C8orf34: variants seen among roughly 807,000 people sequenced by gnomAD.
C8orf34 encodes chromosome 8 open reading frame 34.
C8orf34 carries 65 observed loss-of-function variants against 68.3 expected under a neutral mutation model. The ratio of observed to expected loss-of-function variants is 0.95; its 90% CI spans 0.78 to 1.17. C8orf34 has a LOEUF of 1.17. C8orf34 is among the 50% of genes most tolerant of loss of function. The pLI, the probability that C8orf34 is intolerant of heterozygous loss-of-function variation, is 0.00. For synonymous variants in C8orf34, 244 were observed against 241.2 expected (o/e 1.01, Z -0.11); for missense variants, 664 against 655.4 (o/e 1.01, Z -0.14).
chr8:68,794,026 A>G (rs1824089863), intron 12 of C8orf34, among the ~76,000 whole-genome samples: 1 of 152,232 alleles, frequency 6.6e-6, no homozygotes, highest in African/African-American at 2.4e-5. Context: ...TATTATTAAC[A>G]TAACAAATGT....
intron 8 of C8orf34, among the ~76,000 whole-genome samples, chr8:68,697,645 T>A (rs1820874604): frequency 6.6e-6 from 1 of 152,122 alleles, no homozygotes. Flanking sequence ...AAGGTTTTAG[T>A]AAGGGCAGAT....
chr8:68,393,851 A>G (rs1446762182), intron 1 of C8orf34, among the ~76,000 whole-genome samples: 1 of 152,060 alleles, frequency 6.6e-6, no homozygotes, highest in Non-Finnish European at 1.5e-5. Flanking sequence ...TGGATTGGAG[A>G]GAAACAAGGT....
intron 8 of C8orf34, among the ~76,000 whole-genome samples, chr8:68,680,522 T>C (rs1264764432): frequency 6.6e-6 from 1 of 151,714 alleles, no homozygotes; most frequent in Non-Finnish European, 1.5e-5. Flanking sequence ...TTATTAAGGG[T>C]TTCAAAAGGG....
At chr8:68,797,727 G>C (rs1370577653) in intron 12 of C8orf34, among the ~76,000 whole-genome samples, 3 of 152,054 alleles carry the variant, frequency 2.0e-5, no homozygotes, top group African/African-American at 7.2e-5. Flanking sequence ...GAAAGGGATG[G>C]GTCAGAAAGT....
chr8:68,713,623 A>G (rs1821387049), intron 9 of C8orf34, among the ~76,000 whole-genome samples: 1 of 152,186 alleles, frequency 6.6e-6, no homozygotes, highest in African/African-American at 2.4e-5. Flanking sequence ...AGAATCTCTG[A>G]ACAGACCCAC....
intron 10 of C8orf34, among the ~76,000 whole-genome samples, chr8:68,729,524 A>G (rs1039229693): frequency 2.0e-5 from 3 of 152,162 alleles, no homozygotes; most frequent in Non-Finnish European, 4.4e-5. Context: ...TCATTCCTCT[A>G]TCGCATTTCT....
chr8:68,438,601 C>T (rs1810763630), intron 1 of C8orf34: 1 of 152,102 alleles, frequency 6.6e-6, no homozygotes, highest in African/African-American at 2.4e-5. Flanking sequence ...GAATTCTAGG[C>T]TAAAACCAAC....
At chr8:68,379,808 T>A (rs1040691544) in intron 1 of C8orf34, among the ~76,000 whole-genome samples, 2 of 152,224 alleles carry the variant, frequency 1.3e-5, no homozygotes, top group Non-Finnish European at 2.9e-5. Context: ...CACCCTCTGG[T>A]CACATGTGTA....
chr8:68,369,959 G>T (rs921895736), intron 1 of C8orf34, among the ~76,000 whole-genome samples: 3 of 152,160 alleles, frequency 2.0e-5, no homozygotes, highest in African/African-American at 7.2e-5. Flanking sequence ...GAAGCTTTAT[G>T]GGTTGTCCAG....
At chr8:68,686,142 T>TACC (rs1820511303) in intron 8 of C8orf34, among the ~76,000 whole-genome samples, 2 of 151,760 alleles carry the variant, frequency 1.3e-5, no homozygotes, top group South Asian at 2.1e-4. Flanking sequence ...AAAAAAAGAT[T>TACC]ACCACCACCA....
At chr8:68,750,972 C>T (rs1822688074) in intron 10 of C8orf34, among the ~76,000 whole-genome samples, 1 of 152,118 alleles carries the variant, frequency 6.6e-6, no homozygotes, top group Non-Finnish European at 1.5e-5. Context: ...GAGATATTCT[C>T]TTTTACTCTA....
chr8:68,640,876 G>T (rs1818986092), intron 8 of C8orf34, among the ~76,000 whole-genome samples: 1 of 152,202 alleles, frequency 6.6e-6, no homozygotes, highest in African/African-American at 2.4e-5. Flanking sequence ...GCCAGGTACA[G>T]TTTAAGATCT....
intron 6 of C8orf34, among the ~76,000 whole-genome samples, chr8:68,527,158 C>G (rs1026412770): frequency 6.6e-6 from 1 of 152,148 alleles, no homozygotes; most frequent in Non-Finnish European, 1.5e-5. Context: ...CAAGAGGAGG[C>G]GTTCACATGT....
At chr8:68,440,435 A>G (rs184415846) in intron 2 of C8orf34, among the ~76,000 whole-genome samples, 35 of 152,268 alleles carry the variant, frequency 2.3e-4, no homozygotes, top group Admixed American at 9.8e-4. Context: ...TCTCATATGA[A>G]TGCCTTCTTG....
intron 1 of C8orf34, among the ~76,000 whole-genome samples, chr8:68,376,886 A>G (rs1428863300): frequency 6.6e-6 from 1 of 152,110 alleles, no homozygotes; most frequent in Non-Finnish European, 1.5e-5. Context: ...GAAAATATCA[A>G]CAGAAGGGCC....
chr8:68,790,847 T>C, intron 12 of C8orf34: 1 of 701,582 alleles, frequency 1.4e-6, no homozygotes, highest in Non-Finnish European at 2.6e-6. Flanking sequence ...TGGCTGGGAC[T>C]CTGAATTCTG....
At chr8:68,689,980 G>T (rs1820638720) in intron 8 of C8orf34, among the ~76,000 whole-genome samples, 1 of 151,972 alleles carries the variant, frequency 6.6e-6, no homozygotes, top group Admixed American at 6.6e-5. Flanking sequence ...CTGCCTCCTA[G>T]TTTTAAAGTA....
At chr8:68,390,933 TG>T (rs2129620671) in intron 1 of C8orf34, among the ~76,000 whole-genome samples, 1 of 152,308 alleles carries the variant, frequency 6.6e-6, no homozygotes, top group East Asian at 1.9e-4. Flanking sequence ...GCTCAGTTTT[TG>T]CTTTTAAGGC....
At chr8:68,636,394 T>G (rs1350828891) in intron 7 of C8orf34, among the ~76,000 whole-genome samples, 1 of 148,188 alleles carries the variant, frequency 6.7e-6, no homozygotes, top group Non-Finnish European at 1.5e-5. Flanking sequence ...GCTAACACAG[T>G]GAAACCCTGC....
Sources: allele counts gnomAD v4.1 joint callset (sites outside exome capture counted in the v4.1 genomes callset), GRCh38; gene constraint gnomAD v4.1.1; transcripts MANE v1.5; gene names NCBI Gene and HGNC (gene_info 2026-07-23, HGNC 2026-07-21).